MYO1H: variants seen among roughly 807,000 people sequenced by gnomAD.
MYO1H encodes unconventional myosin-Ih.
MYO1H carries 118 observed loss-of-function variants against 149.3 expected under a neutral mutation model. That is an observed-to-expected ratio of 0.79 (90% CI 0.68 to 0.92). The LOEUF is 0.92. Ranked by LOEUF, MYO1H falls within the 40% of genes least tolerant of loss-of-function variation. The pLI, the probability that MYO1H is intolerant of heterozygous loss-of-function variation, is 0.00. For synonymous variants in MYO1H, 447 were observed against 465.2 expected (o/e 0.96, Z 0.50); for missense variants, 1,212 against 1,280.7 (o/e 0.95, Z 0.82).
intron 15 of MYO1H, among the ~76,000 whole-genome samples, chr12:109,417,649 G>T (rs928517743): frequency 6.6e-6 from 1 of 152,026 alleles, no homozygotes; most frequent in Non-Finnish European, 1.5e-5. Context: ...TCTTCCAACC[G>T]TATTAGTGGG....
the MYO1H span, among the ~76,000 whole-genome samples, chr12:109,339,896 A>T: frequency 6.6e-6 from 1 of 152,258 alleles, no homozygotes; most frequent in Non-Finnish European, 1.5e-5. Flanking sequence ...GATGTAAGGC[A>T]TTATGACAGT....
At chr12:109,406,467 TAAAAAAAAAAAAAAAAAAAA>T (rs56744077) in intron 8 of MYO1H, among the ~76,000 whole-genome samples, 2 of 43,644 alleles carry the variant, frequency 4.6e-5, no homozygotes, top group South Asian at 1.1e-3. Flanking sequence ...CCCTATCTCT[TAAAAAAAAAAAAAAAAAAAA>T]AAAAAAAAAA....
chr12:109,432,947 C>T, exon 20 of MYO1H: 2 of 1,614,018 alleles, frequency 1.2e-6, no homozygotes, highest in Non-Finnish European at 1.7e-6. Flanking sequence ...GGGCCTCCAG[C>T]AGAGGGCGTG....
chr12:109,415,331 C>T (rs554166873), intron 14 of MYO1H, among the ~76,000 whole-genome samples, 195 bp from the exon 15 acceptor site: 5 of 152,122 alleles, frequency 3.3e-5, no homozygotes, highest in South Asian at 2.1e-4. Flanking sequence ...AAAAATTAGC[C>T]GGGTGTGGTG....
At chr12:109,421,610 A>G (rs1414468420) in intron 16 of MYO1H, among the ~76,000 whole-genome samples, 1 of 152,086 alleles carries the variant, frequency 6.6e-6, no homozygotes, top group Non-Finnish European at 1.5e-5. Flanking sequence ...GGGCAGGTCC[A>G]CAGGGGAAGT....
At chr12:109,385,826 G>A (rs181918475) in intron 1 of MYO1H, among the ~76,000 whole-genome samples, 39 of 152,112 alleles carry the variant, frequency 2.6e-4, no homozygotes, top group Admixed American at 1.7e-3. Flanking sequence ...CTGCCATTCC[G>A]TTTATATTCA....
At chr12:109,410,894 C>T in intron 13 of MYO1H, 126 bp downstream of exon 13, 1 of 659,222 alleles carries the variant, frequency 1.5e-6, no homozygotes, top group Non-Finnish European at 2.6e-6. Context: ...GTAATTCCAA[C>T]ACTTTGGGAG....
chr12:109,327,885 A>G, the MYO1H span, among the ~76,000 whole-genome samples: 1 of 152,090 alleles, frequency 6.6e-6, no homozygotes, highest in Admixed American at 6.5e-5. Flanking sequence ...AATAATAACT[A>G]GCATTTATTG....
At chr12:109,414,476 C>CAG (rs1870814519) in intron 14 of MYO1H, among the ~76,000 whole-genome samples, 1 of 57,402 alleles carries the variant, frequency 1.7e-5, no homozygotes, top group Non-Finnish European at 3.6e-5. Flanking sequence ...GACTCCATCT[C>CAG]AAAAAAAAAA....
the MYO1H span, among the ~76,000 whole-genome samples, chr12:109,339,450 A>T: frequency 6.6e-6 from 1 of 152,368 alleles, no homozygotes; most frequent in African/African-American, 2.4e-5. Context: ...TTGGAGTGGC[A>T]GAGTCCTTGA....
At chr12:109,335,871 G>A in the MYO1H span, among the ~76,000 whole-genome samples, 1 of 152,134 alleles carries the variant, frequency 6.6e-6, no homozygotes, top group Non-Finnish European at 1.5e-5. Context: ...TTTAAAAAAT[G>A]TGTTTGTCTT....
chr12:109,427,909 A>AAAAAAAATAT (rs1555254298), intron 19 of MYO1H, among the ~76,000 whole-genome samples: 1 of 16,422 alleles, frequency 6.1e-5, no homozygotes, highest in African/African-American at 3.1e-4. Flanking sequence ...AAAAAAAAAA[A>AAAAAAAATAT]ATATATATAT....
chr12:109,315,246 T>A, the MYO1H span, among the ~76,000 whole-genome samples: 1 of 152,226 alleles, frequency 6.6e-6, no homozygotes, highest in Non-Finnish European at 1.5e-5. Context: ...GCCTCTGAAT[T>A]CTATAGCTGA....
At chr12:109,329,400 C>T in the MYO1H span, among the ~76,000 whole-genome samples, 4 of 152,060 alleles carry the variant, frequency 2.6e-5, no homozygotes, top group African/African-American at 9.7e-5. Context: ...TGAACCTTGC[C>T]TTAGGTAGGG....
chr12:109,362,696 C>T (rs549428821), intron 1 of MYO1H, among the ~76,000 whole-genome samples: 8 of 152,098 alleles, frequency 5.3e-5, no homozygotes, highest in Non-Finnish European at 1.0e-4. Context: ...TTGGTATTTC[C>T]GTGTCTTCAC....
intron 19 of MYO1H, among the ~76,000 whole-genome samples, chr12:109,430,880 C>T (rs1021132306): frequency 6.6e-6 from 1 of 152,020 alleles, no homozygotes; most frequent in African/African-American, 2.4e-5. Flanking sequence ...GAGCTGATAT[C>T]GCACCACTGC....
chr12:109,446,289 T>C, intron 31 of MYO1H: 1 of 985,024 alleles, frequency 1.0e-6, no homozygotes, highest in Non-Finnish European at 1.2e-6. Flanking sequence ...CGCTGGCTGC[T>C]AGTACACGGA....
the MYO1H span, among the ~76,000 whole-genome samples, chr12:109,323,747 T>G: frequency 3.9e-5 from 6 of 152,180 alleles, no homozygotes; most frequent in African/African-American, 7.2e-5. Context: ...GAGTCGGGGT[T>G]TGATTCATAG....
At chr12:109,312,795 T>TTTTG in the MYO1H span, among the ~76,000 whole-genome samples, 6 of 146,918 alleles carry the variant, frequency 4.1e-5, no homozygotes, top group East Asian at 1.2e-3. Context: ...GTTTTGTTTT[T>TTTTG]TTTTTTTTTA....
Sources: gnomAD v4.1 joint callset for allele counts (sites outside exome capture counted in the v4.1 genomes callset) on GRCh38, gnomAD v4.1.1 for gene constraint, MANE v1.5 for transcripts, NCBI Gene and HGNC (gene_info 2026-07-23, HGNC 2026-07-21) for gene names.